Variants in PHETA2 observed in about 807,000 individuals in gnomAD.
PHETA2 encodes PH domain containing endocytic trafficking adaptor 2.
For missense variants in PHETA2, 321 were observed against 341.3 expected, an observed-to-expected ratio of 0.94 and a Z score of 0.47; for synonymous variants, 133 against 142.9, an observed-to-expected ratio of 0.93 and a Z score of 0.50.
Position 42,078,008 on chromosome 22 carries a change from C to T in PHETA2, c.715C>T (p.Arg239Trp), listed in dbSNP as rs779209620. ...GTATGGCCAGGAGATCGTGGAGCTG[C>T]GGCAGTGTTGGCAGAAGAGGGCCCA... The part of the protein sequence containing the change: ...DWYGQEIVEL[R>W]QCWQKRAQGS... The change falls in exon 3 of 3, where the codon CGG (arginine) becomes TGG (tryptophan). Residue 239 changes from arginine to tryptophan, a missense_variant. Coordinates refer to ENST00000321753, the MANE Select transcript of PHETA2 (RefSeq NM_001002034.3). 3.1e-6 allele frequency: 5 copies of T among 1,610,852 alleles called. No homozygotes were observed. The highest frequency in any genetic ancestry group is 1.7e-5 in the Admixed American group (1 of 59,666).
chr22:42,077,808 G>A lies in PHETA2; in HGVS notation c.515G>A (p.Gly172Asp), dbSNP rs1240196898. 4 of 1,612,656 alleles carry A rather than the reference G, an allele frequency of 2.5e-6. No individual in the cohort carries two copies. The highest frequency in any genetic ancestry group is 3.3e-5 in the Admixed American group (2 of 60,016). Reference sequence around the variant, plus strand: ...CACCGAGCTGCGGGCCTGGAGAATGGCCACTGCCTCTCCAAGGACAGCAGC... The same window carrying A: ...CACCGAGCTGCGGGCCTGGAGAATGACCACTGCCTCTCCAAGGACAGCAGC... ...PNHRAAGLEN[G>D]HCLSKDSSPV... The change falls in exon 3 of 3, where the codon GGC becomes GAC. Residue 172 changes from glycine (G) to aspartate (D), a missense_variant. Coordinates refer to ENST00000321753, the MANE Select transcript of PHETA2 (RefSeq NM_001002034.3).
Position 42,077,534 on chromosome 22 carries a change from G to A in PHETA2, c.241G>A (p.Val81Met), listed in dbSNP as rs762728104. 12 of 1,614,026 alleles carry A rather than the reference G, an allele frequency of 7.4e-6. No homozygotes were observed. Among genetic ancestry groups the A allele is most frequent in the African/African-American group, 6.7e-5 (5 of 74,942 alleles). ...GCTVELAEAP[V>M]PEEFAFAICF... is the part of the protein sequence containing the mutation. ...CACAGTGGAACTGGCCGAGGCTCCC[G>A]TGCCCGAGGAGTTTGCCTTTGCCAT... The change falls in exon 3 of 3, where the codon GTG becomes ATG. Residue 81 changes from valine to methionine, a missense_variant. Coordinates refer to ENST00000321753, the MANE Select transcript of PHETA2 (RefSeq NM_001002034.3).
At position 42,078,695 on chromosome 22, in the gene PHETA2, C is replaced by T; in HGVS notation, c.*622C>T. 1 of 167,692 alleles carries T rather than the reference C, an allele frequency of 6.0e-6. No homozygotes were observed. The highest frequency in any genetic ancestry group is 1.5e-5 in the Non-Finnish European group (1 of 68,634). The allele number at this position is 167,692 out of a possible 1,614,324, so 10.4% of individuals were successfully genotyped here. ...TTATTCTGCTCAGAGTGCTGGGGTCCCATCCTTTCTCCCTGGCTGCCCTGT... is the reference window on the plus strand; with the variant it reads ...TTATTCTGCTCAGAGTGCTGGGGTCTCATCCTTTCTCCCTGGCTGCCCTGT... On this transcript the variant is annotated 3_prime_UTR_variant, in exon 3 of 3. Transcript: ENST00000321753.
chr22:42,074,814 C>G (rs1196114147), intron 1 of PHETA2, among the ~76,000 whole-genome samples: 1 of 152,230 alleles, frequency 6.6e-6, no homozygotes, highest in Non-Finnish European at 1.5e-5. Flanking sequence ...AATGGCGTCT[C>G]TCCCCATCCA....
At position 42,077,994 on chromosome 22, in the gene PHETA2, A is replaced by T. The variant is rs760774389; in HGVS notation, c.701A>T (p.Glu234Val). 6.2e-7 allele frequency: 1 copy of T among 1,611,790 alleles called. No individual in the cohort carries two copies. Among genetic ancestry groups the T allele is most frequent in the South Asian group, 1.1e-5 (1 of 90,696 alleles). Residue 234 changes from glutamate (E) to valine (V), a missense_variant, in exon 3 of 3, where the codon GAG (glutamate) becomes GTG (valine). Glu to Val is a moderately radical substitution (Grantham distance 121). Transcript: ENST00000321753. ...ACCCTGCATGACTGGTATGGCCAGG[A>T]GATCGTGGAGCTGCGGCAGTGTTGG... ...FSTLHDWYGQ[E>V]IVELRQCWQK... is the part of the protein sequence containing the mutation.
chr22:42,078,284 AAGG>A lies in PHETA2; in HGVS notation c.*214_*216del, dbSNP rs1284863914. The stretch of plus-strand genomic sequence containing the variant: ...TTTATTTCCTGAGGTCCAGAGAAGG[AAGG>A]AGACTTAGCAGCCACAGAGCAAGAC... On this transcript the variant is annotated 3_prime_UTR_variant, in exon 3 of 3. Transcript: ENST00000321753. 5.2e-6 allele frequency: 3 copies of A among 574,890 alleles called. No homozygotes were observed. Among genetic ancestry groups the A allele is most frequent in the Non-Finnish European group, 9.0e-6 (3 of 334,160 alleles). The allele number at this position is 574,890 out of a possible 1,614,324, so 35.6% of individuals were successfully genotyped here.
At chr22:42,074,717 C>A (rs924344581) in intron 1 of PHETA2, among the ~76,000 whole-genome samples, 7 of 152,084 alleles carry the variant, frequency 4.6e-5, no homozygotes, top group African/African-American at 1.4e-4. Flanking sequence ...TCCCTGTGCC[C>A]CAGTGCTGGG....
chr22:42,078,150 G>A lies in PHETA2; in HGVS notation c.*77G>A, dbSNP rs575742238. On this transcript the variant is annotated 3_prime_UTR_variant, in exon 3 of 3. Coordinates refer to ENST00000321753, the MANE Select transcript of PHETA2 (RefSeq NM_001002034.3). ...AATGTTTACCCATTTCCAAGGTTGC[G>A]TTTTGGGAGGGGACATGGGTTCTCT... The A allele has an allele frequency of 1.4e-5, 20 of 1,438,380 alleles. No individual in the cohort carries two copies. Among genetic ancestry groups the A allele is most frequent in the South Asian group, 4.5e-5 (3 of 67,250 alleles). 89.1% of individuals were successfully genotyped at this position (1,438,380 alleles called of 1,614,324 possible). A position where few individuals can be genotyped will look rare whatever the true frequency, so the allele number is the denominator to read the frequency against.
rs1927244375 is a variant in PHETA2, at chr22:42,075,397, G to A, written c.-96-174G>A. On this transcript the variant is annotated intron_variant, in intron 1 of 2. Transcript: ENST00000321753. This position sits in a 1 kb window ranked among gnomAD's most constrained non-coding sequence, Gnocchi z 4.8. ...CTGAAGAGTAAAGGTCAAGACAAGGGGACCCATCCCCTTAAGCTGCTCAGG... is the reference window on the plus strand; with the variant it reads ...CTGAAGAGTAAAGGTCAAGACAAGGAGACCCATCCCCTTAAGCTGCTCAGG... Among the ~76,000 whole-genome samples the A allele has an allele frequency of 1.3e-5, 2 of 152,160 alleles. No homozygotes were observed. Among genetic ancestry groups the A allele is most frequent in the Non-Finnish European group, 2.9e-5 (2 of 68,018 alleles).
chr22:42,077,693 C>G lies in PHETA2; in HGVS notation c.400C>G (p.Gln134Glu), dbSNP rs1347610297. The G allele has an allele frequency of 3.1e-6, 5 of 1,614,064 alleles. No homozygotes were observed. The highest frequency in any genetic ancestry group is 4.2e-6 in the Non-Finnish European group (5 of 1,180,048). ...CCTGGTGGTACGCGAGTTGGAGAGC[C>G]AGTTGCAGGACGCACGCCAGAGCCT... ...MRLVVRELES[Q>E]LQDARQSLAL... Residue 134 changes from glutamine (Q) to glutamate (E), a missense_variant, in exon 3 of 3, where the codon CAG becomes GAG. Transcript: ENST00000321753.
Position 42,077,364 on chromosome 22 carries a change from T to C in PHETA2, c.71T>C (p.Leu24Pro). 6.3e-7 allele frequency: 1 copy of C among 1,589,088 alleles called. No individual in the cohort carries two copies. The highest frequency in any genetic ancestry group is 8.6e-7 in the Non-Finnish European group (1 of 1,167,724). Reference protein sequence around the residue: ...SDSPADHMGFLRTWGGPGTPP... With the variant: ...SDSPADHMGFPRTWGGPGTPP... ...TCCCCAGCGGACCACATGGGCTTCC[T>C]GCGCACCTGGGGGGGCCCAGGGACC... Residue 24 changes from leucine to proline, a missense_variant, in exon 3 of 3, where the codon CTG becomes CCG. By Grantham distance (98) the Leu-to-Pro change is moderately conservative (BLOSUM62 -3). Coordinates refer to ENST00000321753, the MANE Select transcript of PHETA2 (RefSeq NM_001002034.3).
rs1927354848 is a variant in PHETA2 at position 42,077,737 on chromosome 22, ATC to A, written c.445_446del (p.Ser149LeufsTer9). 8.7e-6 allele frequency: 14 copies of A among 1,613,864 alleles called. No homozygotes were observed. The highest frequency in any genetic ancestry group is 1.2e-5 in the Non-Finnish European group (14 of 1,180,040). The part of the protein sequence containing the change: ...RQSLALQRRS[S>X]WKSVASRCKP... ...AGAGCCTGGCTTTGCAACGCCGCTC[ATC>A]CTGGAAGTCTGTTGCCAGCCGCTGT... On this transcript the variant is annotated frameshift_variant, in exon 3 of 3. Coordinates refer to ENST00000321753, the MANE Select transcript of PHETA2 (RefSeq NM_001002034.3). LOFTEE classifies it low-confidence loss of function (END_TRUNC).
chr22:42,076,209 C>T (rs890426876), intron 2 of PHETA2: 1 of 202,288 alleles, frequency 4.9e-6, no homozygotes, highest in Non-Finnish European at 1.1e-5. Flanking sequence ...TAGAGTGACA[C>T]CAAGTAGCCA....
At position 42,078,201 on chromosome 22, in the gene PHETA2, A is replaced by C. The variant is rs1927415562; in HGVS notation, c.*128A>C. The C allele has an allele frequency of 9.0e-7, 1 of 1,110,440 alleles. No individual in the cohort carries two copies. Among genetic ancestry groups the C allele is most frequent in the Non-Finnish European group, 1.3e-6 (1 of 794,448 alleles). 68.8% of individuals were successfully genotyped at this position (1,110,440 alleles called of 1,614,324 possible). Reference sequence around the variant, plus strand: ...CCTTCCTGCTATTTAGGCATTCTCCAGGTTCGAGATCCACCCGTGTGTCTG... The same window carrying C: ...CCTTCCTGCTATTTAGGCATTCTCCCGGTTCGAGATCCACCCGTGTGTCTG... On this transcript the variant is annotated 3_prime_UTR_variant, in exon 3 of 3. Transcript: ENST00000321753.
In PHETA2 at chr22:42,077,306, G is replaced by C; in HGVS notation, c.13G>C (p.Glu5Gln). 4.6e-6 allele frequency: 7 copies of C among 1,524,836 alleles called. No individual in the cohort carries two copies. Among genetic ancestry groups the C allele is most frequent in the Non-Finnish European group, 6.2e-6 (7 of 1,137,078 alleles). 94.5% of individuals were successfully genotyped at this position (1,524,836 alleles called of 1,614,324 possible). A position where few individuals can be genotyped will look rare whatever the true frequency, so the allele number is the denominator to read the frequency against. MKLN[E>Q]RSVAHYALSD... ...TCCCGTGGGAGCCATGAAGCTGAAC[G>C]AGAGGAGTGTAGCCCACTATGCACT... The change falls in exon 3 of 3, where the codon GAG becomes CAG. Residue 5 changes from glutamate to glutamine, a missense_variant. Transcript: ENST00000321753.
rs1927515289 is a variant in PHETA2, at chr22:42,079,259, A to T, written c.*1186A>T. 1 of 168,130 alleles carries T rather than the reference A, an allele frequency of 5.9e-6. No homozygotes were observed. Among genetic ancestry groups the T allele is most frequent in the African/African-American group, 2.4e-5 (1 of 41,506 alleles). 10.4% of individuals were successfully genotyped at this position (168,130 alleles called of 1,614,324 possible). A position where few individuals can be genotyped will look rare whatever the true frequency, so the allele number is the denominator to read the frequency against. ...AACTAGGCCTAAGGGGTAGGCTCTGAGCCTCTTACCCCTAAGAGGCGGAGA... is the reference window on the plus strand; with the variant it reads ...AACTAGGCCTAAGGGGTAGGCTCTGTGCCTCTTACCCCTAAGAGGCGGAGA... On this transcript the variant is annotated 3_prime_UTR_variant, in exon 3 of 3. Transcript: ENST00000321753.
At chr22:42,076,759 TTTAAAG>T (rs1379930955) in intron 2 of PHETA2, among the ~76,000 whole-genome samples, 1 of 152,186 alleles carries the variant, frequency 6.6e-6, no homozygotes, top group East Asian at 1.9e-4. Flanking sequence ...AAGTAAACTC[TTTAAAG>T]TTATATTTGT....
rs139250450 is a variant in PHETA2, at chr22:42,077,836, T to C, written c.543T>C (p.Pro181=). The part of the protein sequence containing the change: ...NGHCLSKDSS[P]VGLVEEAGSR... ...ACTGCCTCTCCAAGGACAGCAGCCC[T>C]GTGGGCTTGGTTGAAGAAGCGGGCA... Residue 181 remains proline, a synonymous_variant, in exon 3 of 3, where the codon CCT becomes CCC. Coordinates refer to ENST00000321753, the MANE Select transcript of PHETA2 (RefSeq NM_001002034.3). 6 of 1,613,070 alleles carry C rather than the reference T, an allele frequency of 3.7e-6. No homozygotes were observed. The African/African-American group carries it at 4.0e-5, about 11-fold the overall frequency.
rs1040263710 is a variant in PHETA2 at position 42,078,300 on chromosome 22, C to T, written c.*227C>T. On this transcript the variant is annotated 3_prime_UTR_variant, in exon 3 of 3. Transcript: ENST00000321753. ...CAGAGAAGGAAGGAGACTTAGCAGC[C>T]ACAGAGCAAGACCCCAATCTCCTGA... The T allele has an allele frequency of 3.7e-6, 2 of 544,474 alleles. No individual in the cohort carries two copies. The highest frequency in any genetic ancestry group is 6.5e-6 in the Non-Finnish European group (2 of 309,128). 33.7% of individuals were successfully genotyped at this position (544,474 alleles called of 1,614,324 possible).
Sources: allele counts gnomAD v4.1 joint callset (sites outside exome capture counted in the v4.1 genomes callset), GRCh38; gene constraint gnomAD v4.1.1; non-coding constraint Gnocchi (gnomAD v3.1); transcripts MANE v1.5; gene names NCBI Gene and HGNC (gene_info 2026-07-23, HGNC 2026-07-21).